The following ZNF184 variants were observed in gnomAD, a reference collection of about 807,000 sequenced individuals.
ZNF184 encodes zinc finger protein 184, also known as zinc finger protein 184 (Kruppel-like).
In ZNF184, 16 loss-of-function variants were observed where a neutral mutation model predicts 54.4. The observed-to-expected ratio is 0.29, with a 90% CI of 0.20 to 0.45. The LOEUF is 0.45. Among genes scored for constraint, ZNF184 ranks in the 20% least tolerant of loss-of-function variants. ZNF184 has a pLI of 1.00. For missense variants in ZNF184, 681 were observed against 888.2 expected (o/e 0.77, Z 2.97); for synonymous variants, 254 against 295.3 (o/e 0.86, Z 1.43).
the ZNF184 span, among the ~76,000 whole-genome samples, chr6:27,433,488 T>A: frequency 6.3e-3 from 960 of 152,260 alleles, 6 homozygotes; most frequent in African/African-American, 0.017. Context: ...AAATAATAAC[T>A]CCCCATTCCC....
chr6:27,470,667 G>A (rs1393115390), intron 2 of ZNF184, among the ~76,000 whole-genome samples: 1 of 152,160 alleles, frequency 6.6e-6, no homozygotes, highest in Admixed American at 6.5e-5. Context: ...CAGGTAAGAT[G>A]CTTTTTATTC....
the ZNF184 span, among the ~76,000 whole-genome samples, chr6:27,427,751 C>A: frequency 6.6e-6 from 1 of 152,190 alleles, no homozygotes; most frequent in Non-Finnish European, 1.5e-5. Context: ...CATCTTCAAT[C>A]CAGCTTTTTC....
the ZNF184 span, among the ~76,000 whole-genome samples, chr6:27,422,218 A>G: frequency 4.5e-5 from 6 of 134,148 alleles, no homozygotes; most frequent in Admixed American, 1.6e-4. Context: ...GAAAGAAAGA[A>G]AAGAAAAGAA....
At chr6:27,406,086 A>T in the ZNF184 span, 1 of 152,188 alleles carries the variant, frequency 6.6e-6, no homozygotes, top group Non-Finnish European at 1.5e-5. Flanking sequence ...ATGATATATA[A>T]TGGGGCTATA....
the ZNF184 span, among the ~76,000 whole-genome samples, chr6:27,414,127 G>A: frequency 6.6e-6 from 1 of 152,120 alleles, no homozygotes; most frequent in African/African-American, 2.4e-5. Flanking sequence ...TAAACCATCA[G>A]CAAATCCTGT....
At chr6:27,421,113 A>G in the ZNF184 span, among the ~76,000 whole-genome samples, 1 of 152,244 alleles carries the variant, frequency 6.6e-6, no homozygotes, top group Non-Finnish European at 1.5e-5. Context: ...GGTGAAGCAC[A>G]GAGGATTTTT....
chr6:27,451,462 G>A lies in ZNF184; in HGVS notation c.2097C>T (p.Asn699=), dbSNP rs376889374. The A allele has an allele frequency of 1.8e-4, 283 of 1,614,010 alleles. No homozygotes were observed. Among genetic ancestry groups the A allele is most frequent in the Non-Finnish European group, 2.3e-4 (276 of 1,179,992 alleles). Reference sequence around the variant, plus strand: ...TAAAAGTCTTTCTGCATTCATTACAGTTATAAGGTTTCTCTCCAGTATGAG... The same window carrying A: ...TAAAAGTCTTTCTGCATTCATTACAATTATAAGGTTTCTCTCCAGTATGAG... The part of the protein sequence containing the change: ...QNTHTGEKPY[N]CNECRKTFSQ... The change falls in exon 6 of 6, where the codon AAC becomes AAT. Residue 699 remains asparagine (N), a synonymous_variant. Coordinates refer to ENST00000683788, the MANE Select transcript of ZNF184 (RefSeq NM_001318891.2).
the ZNF184 span, among the ~76,000 whole-genome samples, chr6:27,445,129 A>G: frequency 6.6e-6 from 1 of 152,244 alleles, no homozygotes; most frequent in African/African-American, 2.4e-5. Context: ...ATGAGTACAC[A>G]TTACATCAAA....
the ZNF184 span, among the ~76,000 whole-genome samples, chr6:27,410,714 TAG>T: frequency 2.0e-5 from 3 of 152,190 alleles, no homozygotes; most frequent in Non-Finnish European, 2.9e-5. Context: ...GTATTTTTAG[TAG>T]AGACGGGGTT....
chr6:27,416,670 G>A, the ZNF184 span, among the ~76,000 whole-genome samples: 1 of 152,180 alleles, frequency 6.6e-6, no homozygotes, highest in Non-Finnish European at 1.5e-5. Flanking sequence ...TTTTAGGAGA[G>A]CTGAGTGTCA....
the ZNF184 span, among the ~76,000 whole-genome samples, chr6:27,419,089 T>C: frequency 6.6e-6 from 1 of 152,116 alleles, no homozygotes; most frequent in Non-Finnish European, 1.5e-5. This position sits in a 1 kb window ranked among gnomAD's most constrained non-coding sequence, Gnocchi z 4.8. Flanking sequence ...ACTTTTTAAA[T>C]TTTAATTTTA....
chr6:27,406,340 T>A, the ZNF184 span: 6 of 152,190 alleles, frequency 3.9e-5, no homozygotes, highest in Non-Finnish European at 8.8e-5. Flanking sequence ...ACATACACAG[T>A]GCATAAGTGG....
chr6:27,416,768 T>A, the ZNF184 span, among the ~76,000 whole-genome samples: 3 of 152,356 alleles, frequency 2.0e-5, no homozygotes, highest in South Asian at 6.2e-4. Flanking sequence ...GTTTCATTAT[T>A]CACATTTACA....
At chr6:27,433,447 C>T in the ZNF184 span, among the ~76,000 whole-genome samples, 1 of 152,198 alleles carries the variant, frequency 6.6e-6, no homozygotes, top group Non-Finnish European at 1.5e-5. Flanking sequence ...CACCACTGTT[C>T]ATCATTCCAA....
chr6:27,438,771 A>G, the ZNF184 span, among the ~76,000 whole-genome samples: 2 of 152,120 alleles, frequency 1.3e-5, no homozygotes, highest in Non-Finnish European at 1.5e-5. Flanking sequence ...CCTTTTAAAT[A>G]TAATGTTAGT....
intron 5 of ZNF184, among the ~76,000 whole-genome samples, chr6:27,455,041 G>A (rs960661887): frequency 7.9e-5 from 12 of 152,242 alleles, no homozygotes; most frequent in African/African-American, 2.4e-4. Flanking sequence ...TAGGCCCAGG[G>A]CTAGTGGCCA....
At chr6:27,436,939 ATC>A in the ZNF184 span, among the ~76,000 whole-genome samples, 1 of 152,212 alleles carries the variant, frequency 6.6e-6, no homozygotes, top group South Asian at 2.1e-4. Context: ...TCCCTAAGGA[ATC>A]TCAGAGGTAG....
intron 2 of ZNF184, among the ~76,000 whole-genome samples, chr6:27,469,942 C>A (rs1419273328): frequency 6.6e-6 from 1 of 151,438 alleles, no homozygotes; most frequent in Non-Finnish European, 1.5e-5. Flanking sequence ...CAGTGGGGAA[C>A]ATGAAGAATA....
chr6:27,426,705 C>A, the ZNF184 span, among the ~76,000 whole-genome samples: 1 of 152,178 alleles, frequency 6.6e-6, no homozygotes, highest in African/African-American at 2.4e-5. This position sits in a 1 kb window ranked among gnomAD's most constrained non-coding sequence, Gnocchi z 4.2. Context: ...AAGCTAATTC[C>A]TTTTAATACA....
Sources: gnomAD v4.1 joint callset for allele counts (sites outside exome capture counted in the v4.1 genomes callset) on GRCh38, gnomAD v4.1.1 for gene constraint, Gnocchi (gnomAD v3.1) non-coding constraint, MANE v1.5 for transcripts, NCBI Gene and HGNC (gene_info 2026-07-23, HGNC 2026-07-21) for gene names.